KANSL1L: variants seen among roughly 807,000 people sequenced by gnomAD.
KANSL1L encodes the protein KAT8 regulatory NSL complex subunit 1-like protein.
KANSL1L carries 25 observed loss-of-function variants against 108.6 expected under a neutral mutation model. The observed-to-expected ratio is 0.23, with a 90% CI of 0.17 to 0.32. KANSL1L has a LOEUF of 0.32. Among genes scored for constraint, KANSL1L ranks in the 10% least tolerant of loss-of-function variants. The probability of loss-of-function intolerance (pLI) is 1.00; values close to 1 mark genes in which losing one functional copy is unlikely to be tolerated. For missense variants in KANSL1L, 1,137 were observed against 1,125.7 expected (o/e 1.01, Z -0.14); for synonymous variants, 405 against 395.1 (o/e 1.03, Z -0.30).
intron 3 of KANSL1L, among the ~76,000 whole-genome samples, chr2:210,115,638 C>T (rs748809738): frequency 6.6e-6 from 1 of 152,168 alleles, no homozygotes. Flanking sequence ...CACAGATGAC[C>T]TTACTGACAT....
intron 5 of KANSL1L, chr2:210,096,707 T>C (rs1208866534): frequency 1.0e-6 from 1 of 961,350 alleles, no homozygotes; most frequent in African/African-American, 1.8e-5. Flanking sequence ...AATGAAAATA[T>C]CATAGTTATC....
chr2:210,145,682 T>A (rs544386895), intron 2 of KANSL1L, among the ~76,000 whole-genome samples: 77 of 152,232 alleles, frequency 5.1e-4, no homozygotes, highest in African/African-American at 1.8e-3. Context: ...TGGTCTAGTA[T>A]ATTGTGAAGA....
At chr2:210,116,648 T>C (rs1283987841) in intron 3 of KANSL1L, among the ~76,000 whole-genome samples, 1 of 152,184 alleles carries the variant, frequency 6.6e-6, no homozygotes, top group East Asian at 1.9e-4. Context: ...ACTGAGGTCA[T>C]ACCTCTATGA....
chr2:210,079,706 A>ATATATATATGTATGTGTG (rs2094574553), intron 5 of KANSL1L: 2 of 125,104 alleles, frequency 1.6e-5, no homozygotes, highest in African/African-American at 6.6e-5. Context: ...GTGTGTATAT[A>ATATATATATGTATGTGTG]TATATATATA....
chr2:210,043,801 T>C, intron 7 of KANSL1L, 138 bp downstream of exon 7: 5 of 496,452 alleles, frequency 1.0e-5, no homozygotes, highest in Non-Finnish European at 1.7e-5. Context: ...ACAAATTTAA[T>C]TGTCAAGGCA....
At chr2:210,041,841 T>C (rs2094167338) in intron 7 of KANSL1L, among the ~76,000 whole-genome samples, 1 of 152,260 alleles carries the variant, frequency 6.6e-6, no homozygotes, top group East Asian at 1.9e-4. Flanking sequence ...AAAACAAAAA[T>C]TAGTTCATGA....
In KANSL1L at chr2:210,171,295, GGCCGCCGCCGCCGCC is replaced by G. The variant is rs66917529; in HGVS notation, c.-191_-177del. 0.78 allele frequency: 136,569 copies of G among 174,528 alleles called. 52,890 individuals carry two copies. The highest frequency in any genetic ancestry group is 0.82 in the South Asian group (4,958 of 6,074). The allele number at this position is 174,528 out of a possible 1,614,324, so 10.8% of individuals were successfully genotyped here. On this transcript the variant is annotated 5_prime_UTR_variant, in exon 1 of 15. Coordinates refer to ENST00000281772, the MANE Select transcript of KANSL1L (RefSeq NM_152519.4). Reference sequence around the variant, plus strand: ...CCAGAGCGCGCCCCGCTCCCGCCCCGGCCGCCGCCGCCGCCGCCGCCGCCGCCGCCGCCGCCGCCG... The same window carrying G: ...CCAGAGCGCGCCCCGCTCCCGCCCCGGCCGCCGCCGCCGCCGCCGCCGCCG...
chr2:210,070,224 C>CTTTTTTTTTTT (rs71043971), intron 6 of KANSL1L, among the ~76,000 whole-genome samples: 9 of 77,564 alleles, frequency 1.2e-4, no homozygotes, highest in Admixed American at 2.5e-4. Context: ...TTTCTCCGTT[C>CTTTTTTTTTTT]TTTTTTTTTT....
intron 3 of KANSL1L, among the ~76,000 whole-genome samples, chr2:210,111,061 G>A (rs535190185): frequency 2.0e-4 from 30 of 151,936 alleles, no homozygotes; most frequent in African/African-American, 6.8e-4. Context: ...GCAGTGAGCC[G>A]TAATCATGCC....
chr2:210,111,163 AC>A (rs758062049), intron 3 of KANSL1L, among the ~76,000 whole-genome samples: 11 of 152,066 alleles, frequency 7.2e-5, no homozygotes, highest in Non-Finnish European at 1.5e-4. Context: ...AAAAAAAAAA[AC>A]ATGTCTACAC....
intron 8 of KANSL1L, among the ~76,000 whole-genome samples, chr2:210,038,538 G>T (rs1217017669): frequency 1.3e-5 from 2 of 151,946 alleles, no homozygotes; most frequent in African/African-American, 4.8e-5. Flanking sequence ...TATAAGCTCA[G>T]TTAATATTAT....
chr2:210,026,469 T>C (rs2093938173), intron 12 of KANSL1L: 1 of 152,214 alleles, frequency 6.6e-6, no homozygotes, highest in African/African-American at 2.4e-5. Context: ...GTGAGGCTAT[T>C]TTTAGTGTTT....
At chr2:210,065,634 A>G (rs1227845837) in intron 6 of KANSL1L, among the ~76,000 whole-genome samples, 1 of 138,964 alleles carries the variant, frequency 7.2e-6, no homozygotes, top group African/African-American at 2.7e-5. Context: ...CATCCAGGCT[A>G]GAGTGCAGTG....
At chr2:210,161,066 G>A (rs1248506171) in intron 1 of KANSL1L, among the ~76,000 whole-genome samples, 3 of 143,924 alleles carry the variant, frequency 2.1e-5, no homozygotes, top group African/African-American at 5.2e-5. Context: ...TCGGCTCACC[G>A]CAACCTCCGC....
intron 5 of KANSL1L, among the ~76,000 whole-genome samples, chr2:210,084,666 T>C (rs1213531260): frequency 6.6e-6 from 1 of 151,764 alleles, no homozygotes; most frequent in Non-Finnish European, 1.5e-5. Context: ...CAGGCTGGAG[T>C]GCATTGGCAC....
rs2094570173 is a variant in KANSL1L, at chr2:210,079,646, A to ATATGTATGTG, written c.1551-3891_1551-3890insCACATACATA. 6.2e-3 allele frequency among the ~76,000 whole-genome samples: 81 copies of ATATGTATGTG among 13,108 alleles called. 5 individuals are homozygous for ATATGTATGTG. The highest frequency in any genetic ancestry group is 0.011 in the South Asian group (3 of 264). 8.6% of individuals were successfully genotyped at this position (13,108 alleles called of 152,430 possible). ...TATATATATATATATATATATATATATATATATATATATATATATGTATGT... is the reference window on the plus strand; with the variant it reads ...TATATATATATATATATATATATATATATGTATGTGTATATATATATATATATATGTATGT... On this transcript the variant is annotated intron_variant, in intron 5 of 14. Coordinates refer to ENST00000281772, the MANE Select transcript of KANSL1L (RefSeq NM_152519.4).
At position 210,154,057 on chromosome 2, in the gene KANSL1L, C is replaced by T; in HGVS notation, c.526G>A (p.Glu176Lys). Residue 176 changes from glutamate (E) to lysine (K), a missense_variant, in exon 2 of 15, where the codon GAG (glutamate) becomes AAG (lysine). By Grantham distance (56) the Glu-to-Lys change is moderately conservative. Around this residue, in one of 3 missense-constraint regions of KANSL1L, gnomAD observed 556 missense variants for 537.7 expected, o/e 1.03. Transcript: ENST00000281772. ...VQLQNCKWYQ[E>K]NALLDKVTDA... The stretch of plus-strand genomic sequence containing the variant: ...GTAACTTTATCCAAAAGTGCATTCT[C>T]TTGATACCATTTACAGTTTTGTAGT... 1 of 1,613,650 alleles carries T rather than the reference C, an allele frequency of 6.2e-7. No homozygotes were observed. The highest frequency in any genetic ancestry group is 1.1e-5 in the South Asian group (1 of 91,038).
intron 1 of KANSL1L, among the ~76,000 whole-genome samples, chr2:210,169,119 G>A (rs550820346): frequency 6.6e-6 from 1 of 152,172 alleles, no homozygotes; most frequent in East Asian, 1.9e-4. Flanking sequence ...ACAACATTCT[G>A]TAATTTGGTG....
chr2:210,084,616 T>C (rs1281229188), intron 5 of KANSL1L, among the ~76,000 whole-genome samples: 1 of 152,114 alleles, frequency 6.6e-6, no homozygotes, highest in Non-Finnish European at 1.5e-5. Context: ...TTTCTTTTTT[T>C]TTTCTCTCTC....
Sources: allele counts gnomAD v4.1 joint callset (sites outside exome capture counted in the v4.1 genomes callset), GRCh38; gene constraint gnomAD v4.1.1; regional missense constraint gnomAD v4.1.1; transcripts MANE v1.5; gene names NCBI Gene and HGNC (gene_info 2026-07-23, HGNC 2026-07-21).